The following SH3BGRL2 variants were observed in gnomAD, a reference collection of about 807,000 sequenced individuals.
SH3BGRL2 encodes SH3 domain binding glutamate rich protein like 2, also known as SH3 domain-binding glutamic acid-rich-like protein 2.
SH3BGRL2 carries 21 observed loss-of-function variants against 14.8 expected under a neutral mutation model. That is an observed-to-expected ratio of 1.42 (90% CI 1.01 to 2.05). The LOEUF (loss-of-function observed/expected upper bound fraction) is 2.05. Ranked by LOEUF, SH3BGRL2 falls within the 30% of genes most tolerant of loss-of-function variation. The pLI is 0.00. For missense variants in SH3BGRL2, 147 were observed against 130.8 expected (o/e 1.12, Z -0.61); for synonymous variants, 50 against 47.8 (o/e 1.05, Z -0.19).
At chr6:79,699,436 T>A in intron 3 of SH3BGRL2, 62 bp from the exon 4 acceptor site, 2 of 1,516,930 alleles carry the variant, frequency 1.3e-6, no homozygotes, top group Middle Eastern at 3.8e-4. Flanking sequence ...AGGGTGAATT[T>A]TCTTGTCGAT....
At chr6:79,661,038 T>C (rs1295339140) in intron 1 of SH3BGRL2, among the ~76,000 whole-genome samples, 1 of 152,224 alleles carries the variant, frequency 6.6e-6, no homozygotes, top group African/African-American at 2.4e-5. Context: ...TTCTTGTTTA[T>C]TGCTAGCGGT....
chr6:79,631,377 G>A lies in SH3BGRL2; in HGVS notation c.-85G>A. 7.9e-7 allele frequency: 1 copy of A among 1,272,156 alleles called. No individual in the cohort carries two copies. Among genetic ancestry groups the A allele is most frequent in the Non-Finnish European group, 1.0e-6 (1 of 958,192 alleles). The allele number at this position is 1,272,156 out of a possible 1,614,324, so 78.8% of individuals were successfully genotyped here. A position where few individuals can be genotyped will look rare whatever the true frequency, so the allele number is the denominator to read the frequency against. ...GGCAGCGCTTTACCCAGAGGCTGCC[G>A]GCGGCTCGTAGCTGGGTTCAGCTCT... On this transcript the variant is annotated 5_prime_UTR_variant, in exon 1 of 4. Transcript: ENST00000369838.
the SH3BGRL2 span, among the ~76,000 whole-genome samples, chr6:79,565,587 T>G: frequency 6.6e-6 from 1 of 152,244 alleles, no homozygotes; most frequent in African/African-American, 2.4e-5. Flanking sequence ...ATTATCATTT[T>G]AGGCAGAAAG....
the SH3BGRL2 span, among the ~76,000 whole-genome samples, chr6:79,572,489 A>G: frequency 0.99 from 150,336 of 152,024 alleles, 74,356 homozygotes; most frequent in East Asian, 1. Flanking sequence ...ATTTTGAGAC[A>G]TAGTCTCACT....
chr6:79,589,190 C>CCA, the SH3BGRL2 span, among the ~76,000 whole-genome samples: 1 of 142,574 alleles, frequency 7.0e-6, no homozygotes, highest in Non-Finnish European at 1.5e-5. Context: ...TGAAATTATC[C>CCA]TATATATATA....
intron 2 of SH3BGRL2, among the ~76,000 whole-genome samples, chr6:79,680,083 T>G (rs1164176796): frequency 6.6e-6 from 1 of 152,182 alleles, no homozygotes; most frequent in Non-Finnish European, 1.5e-5. Context: ...GTTTTAACCT[T>G]AATGTAGTCC....
At chr6:79,562,349 ATAT>A in the SH3BGRL2 span, among the ~76,000 whole-genome samples, 1 of 152,210 alleles carries the variant, frequency 6.6e-6, no homozygotes, top group African/African-American at 2.4e-5. Context: ...TATCATAAAA[ATAT>A]TAATATGTAA....
Position 79,661,656 on chromosome 6 carries a change from G to A in SH3BGRL2, c.46-11958G>A, listed in dbSNP as rs146548050. ...TAGATGTCTATTAGGTCCGCTTGGTGCAGAGCTGAGTTCAAGTCCTGGATA... is the reference window on the plus strand; with the variant it reads ...TAGATGTCTATTAGGTCCGCTTGGTACAGAGCTGAGTTCAAGTCCTGGATA... On this transcript the variant is annotated intron_variant, in intron 1 of 3. Coordinates refer to ENST00000369838, the MANE Select transcript of SH3BGRL2 (RefSeq NM_031469.4). Among the ~76,000 whole-genome samples the A allele has an allele frequency of 8.4e-3, 1,283 of 152,284 alleles. 18 individuals are homozygous for A. Among genetic ancestry groups the A allele is most frequent in the African/African-American group, 0.029 (1,225 of 41,568 alleles).
intron 2 of SH3BGRL2, among the ~76,000 whole-genome samples, chr6:79,696,164 T>G (rs115810994): frequency 1.3e-3 from 198 of 152,278 alleles, no homozygotes; most frequent in African/African-American, 4.6e-3. Context: ...AGTAAAATCT[T>G]AGGTCAGAGT....
At chr6:79,582,240 C>A in the SH3BGRL2 span, among the ~76,000 whole-genome samples, 22 of 152,248 alleles carry the variant, frequency 1.4e-4, no homozygotes, top group Admixed American at 8.5e-4. Flanking sequence ...AATGCCATCC[C>A]CATCAAGCTA....
chr6:79,577,792 T>A, the SH3BGRL2 span, among the ~76,000 whole-genome samples: 1 of 152,188 alleles, frequency 6.6e-6, no homozygotes, highest in Non-Finnish European at 1.5e-5. Flanking sequence ...TGTAGCCCAC[T>A]GAGGGTGAGC....
intron 2 of SH3BGRL2, among the ~76,000 whole-genome samples, chr6:79,675,549 A>G (rs1769863187): frequency 1.3e-5 from 2 of 151,900 alleles, no homozygotes; most frequent in Admixed American, 6.6e-5. Flanking sequence ...TTTTCTCCCT[A>G]CTTTTTTCCT....
the SH3BGRL2 span, among the ~76,000 whole-genome samples, chr6:79,612,337 A>T: frequency 6.6e-6 from 1 of 152,124 alleles, no homozygotes; most frequent in Non-Finnish European, 1.5e-5. Flanking sequence ...CTCACCATCC[A>T]TGGGAGAGAA....
chr6:79,570,737 G>A, the SH3BGRL2 span, among the ~76,000 whole-genome samples: 5 of 152,166 alleles, frequency 3.3e-5, no homozygotes, highest in African/African-American at 1.2e-4. Flanking sequence ...CTCCTTGCCT[G>A]GCAAGAACCC....
the SH3BGRL2 span, among the ~76,000 whole-genome samples, chr6:79,546,465 A>G: frequency 1.3e-5 from 2 of 152,138 alleles, no homozygotes; most frequent in Non-Finnish European, 2.9e-5. Context: ...GCCAGCAACC[A>G]TCACCCTAGG....
At chr6:79,537,658 A>G in the SH3BGRL2 span, among the ~76,000 whole-genome samples, 1 of 152,220 alleles carries the variant, frequency 6.6e-6, no homozygotes, top group Non-Finnish European at 1.5e-5. Flanking sequence ...GTGCGGTGCC[A>G]GGGCTCGACT....
chr6:79,660,298 C>G (rs1769516882), intron 1 of SH3BGRL2, among the ~76,000 whole-genome samples: 1 of 152,030 alleles, frequency 6.6e-6, no homozygotes, highest in Non-Finnish European at 1.5e-5. Flanking sequence ...GCTCTTATTA[C>G]TTTGAGATAC....
intron 1 of SH3BGRL2, among the ~76,000 whole-genome samples, chr6:79,668,942 CTG>C (rs1554203355): frequency 1.3e-5 from 2 of 152,180 alleles, no homozygotes; most frequent in Non-Finnish European, 2.9e-5. Context: ...CTTTTCAAAA[CTG>C]TGCTGCTTTG....
At chr6:79,688,564 G>A (rs2127737629) in intron 2 of SH3BGRL2, among the ~76,000 whole-genome samples, 1 of 152,260 alleles carries the variant, frequency 6.6e-6, no homozygotes, top group East Asian at 1.9e-4. Context: ...ACACTTTAGG[G>A]AGAGTGCCTT....
Sources: gnomAD v4.1 joint callset for allele counts (sites outside exome capture counted in the v4.1 genomes callset) on GRCh38, gnomAD v4.1.1 for gene constraint, MANE v1.5 for transcripts, NCBI Gene and HGNC (gene_info 2026-07-23, HGNC 2026-07-21) for gene names.